AP1M1: variants seen among roughly 807,000 people sequenced by gnomAD.
The protein encoded by AP1M1 is adaptor related protein complex 1 subunit mu 1.
A neutral mutation model predicts 57.1 loss-of-function variants in AP1M1; 18 were observed. The observed-to-expected ratio is 0.32, with a 90% CI of 0.22 to 0.47. The LOEUF (loss-of-function observed/expected upper bound fraction) is 0.47. AP1M1 is among the 20% of genes least tolerant of loss of function. AP1M1 has a pLI of 1.00. For synonymous variants in AP1M1, 241 were observed against 237.9 expected, an observed-to-expected ratio of 1.01 and a Z score of -0.12; for missense variants, 362 against 593.5, an observed-to-expected ratio of 0.61 and a Z score of 4.05.
At chr19:16,226,699 G>C in intron 6 of AP1M1, 152 bp downstream of exon 6, 1 of 999,856 alleles carries the variant, frequency 1.0e-6, no homozygotes, top group East Asian at 2.7e-5. Flanking sequence ...CAGCTGTGTA[G>C]AGTATTCATC....
In AP1M1 at chr19:16,236,780, A is replaced by G. The variant is rs2091626470; in HGVS notation, c.*2345A>G. 1 of 152,192 alleles carries G rather than the reference A, an allele frequency of 6.6e-6. No individual in the cohort carries two copies. The highest frequency in any genetic ancestry group is 6.5e-5 in the Admixed American group (1 of 15,272). 9.4% of individuals were successfully genotyped at this position (152,192 alleles called of 1,614,324 possible). ...ACAGAAAACCTCCCTGGAGGGACCT[A>G]ACTTCATGCCTTGTTACCTAAGATC... On this transcript the variant is annotated 3_prime_UTR_variant, in exon 12 of 12. Transcript: ENST00000291439.
chr19:16,220,383 G>T (rs1004694468), intron 5 of AP1M1, among the ~76,000 whole-genome samples: 2 of 151,522 alleles, frequency 1.3e-5, no homozygotes, highest in Non-Finnish European at 2.9e-5. Context: ...GGCTTTTGGG[G>T]TTTTTTTGTT....
Position 16,207,379 on chromosome 19 carries a change from C to T in AP1M1, c.268-640C>T, listed in dbSNP as rs1415028482. Among the ~76,000 whole-genome samples the T allele has an allele frequency of 6.6e-6, 1 of 152,014 alleles. No homozygotes were observed. Among genetic ancestry groups the T allele is most frequent in the East Asian group, 1.9e-4 (1 of 5,174 alleles). On this transcript the variant is annotated intron_variant, in intron 3 of 11. Transcript: ENST00000291439. This position sits in a 1 kb window ranked among gnomAD's most constrained non-coding sequence, Gnocchi z 4.2. The stretch of plus-strand genomic sequence containing the variant: ...GATGCTGTCACAGGCAGGGCTGGGC[C>T]TGGCTGTGCTGCCTGTGGTTTCCAA...
chr19:16,221,375 G>A (rs770087401), intron 5 of AP1M1, among the ~76,000 whole-genome samples: 3 of 152,248 alleles, frequency 2.0e-5, no homozygotes, highest in Admixed American at 1.3e-4. Flanking sequence ...GAACAATGGC[G>A]AGAGCACACC....
chr19:16,234,458 C>T lies in AP1M1; in HGVS notation c.*23C>T, dbSNP rs753665081. ...TGAGGGGCTGTCGCAGCCAACACCC[C>T]GGCCTCGGGGCTCCTGGTGGCAGCA... On this transcript the variant is annotated 3_prime_UTR_variant, in exon 12 of 12. Coordinates refer to ENST00000291439, the MANE Select transcript of AP1M1 (RefSeq NM_032493.4). 22 of 1,613,304 alleles carry T rather than the reference C, an allele frequency of 1.4e-5. No homozygotes were observed. The highest frequency in any genetic ancestry group is 1.7e-4 in the Middle Eastern group (1 of 6,046).
rs2091643336 is a variant in AP1M1 at position 16,240,901 on chromosome 19, C to G, written c.*6466C>G. The G allele has an allele frequency of 1.3e-5, 2 of 152,210 alleles. No homozygotes were observed. Among genetic ancestry groups the G allele is most frequent in the Non-Finnish European group, 2.9e-5 (2 of 68,044 alleles). 9.4% of individuals were successfully genotyped at this position (152,210 alleles called of 1,614,324 possible). A position where few individuals can be genotyped will look rare whatever the true frequency, so the allele number is the denominator to read the frequency against. On this transcript the variant is annotated 3_prime_UTR_variant, in exon 12 of 12. Coordinates refer to ENST00000291439, the MANE Select transcript of AP1M1 (RefSeq NM_032493.4). Reference sequence around the variant, plus strand: ...CAGCAACACTAAGAGATTAAAATGTCTCTCCAAAGAGCAATTGGACAGAGA... The same window carrying G: ...CAGCAACACTAAGAGATTAAAATGTGTCTCCAAAGAGCAATTGGACAGAGA...
intron 6 of AP1M1, 165 bp downstream of exon 6, chr19:16,226,712 T>G: frequency 1.1e-6 from 1 of 916,524 alleles, no homozygotes; most frequent in Non-Finnish European, 1.6e-6. Flanking sequence ...TATTCATCCT[T>G]CCCTGGACAT....
intron 9 of AP1M1, among the ~76,000 whole-genome samples, chr19:16,233,278 T>C (rs888801291): frequency 3.3e-5 from 5 of 152,202 alleles, no homozygotes; most frequent in Non-Finnish European, 7.4e-5. Context: ...CGCCTGGGTA[T>C]CCTCATGGGG....
At chr19:16,202,846 A>G (rs2091454355) in intron 1 of AP1M1, 1 of 153,566 alleles carries the variant, frequency 6.5e-6, no homozygotes, top group African/African-American at 2.4e-5. Flanking sequence ...GGTAAATACC[A>G]GAGAGAGGAA....
At chr19:16,233,654 G>A (rs764685011) in intron 10 of AP1M1, 36 bp downstream of exon 10, 89 of 1,590,166 alleles carry the variant, frequency 5.6e-5, no homozygotes, top group Non-Finnish European at 7.3e-5. Context: ...CCCAGAACAG[G>A]GACAGAGGCC....
chr19:16,206,160 G>A lies in AP1M1; in HGVS notation c.200-181G>A, dbSNP rs1039078709. 3.3e-5 allele frequency among the ~76,000 whole-genome samples: 5 copies of A among 152,242 alleles called. No individual in the cohort carries two copies. The highest frequency in any genetic ancestry group is 7.2e-5 in the African/African-American group (3 of 41,522). Reference sequence around the variant, plus strand: ...GGAGCGCATCTGGCTGGTGACTCCTGTGTCCCAGGTCTAGCTTGGACCAGG... The same window carrying A: ...GGAGCGCATCTGGCTGGTGACTCCTATGTCCCAGGTCTAGCTTGGACCAGG... On this transcript the variant is annotated intron_variant, in intron 2 of 11. Coordinates refer to ENST00000291439, the MANE Select transcript of AP1M1 (RefSeq NM_032493.4). The surrounding 1 kb of genome is among the most constrained non-coding windows in gnomAD (Gnocchi z 4.3).
At chr19:16,234,067 C>A (rs541425175) in intron 10 of AP1M1, 132 bp from the exon 11 acceptor site, 31 of 837,550 alleles carry the variant, frequency 3.7e-5, no homozygotes, top group South Asian at 1.3e-4. Flanking sequence ...CCTTTCACCC[C>A]CCTGAGGCCT....
chr19:16,211,042 A>T, intron 5 of AP1M1, among the ~76,000 whole-genome samples: 1 of 150,976 alleles, frequency 6.6e-6, no homozygotes, highest in East Asian at 1.9e-4. Context: ...TCTGTCAGAT[A>T]GGTGATTTGC....
At chr19:16,201,460 ACAATCTCGG>A in intron 1 of AP1M1, among the ~76,000 whole-genome samples, 1 of 15,850 alleles carries the variant, frequency 6.3e-5, no homozygotes. Flanking sequence ...GTGCAATGGC[ACAATCTCGG>A]CTCACTGCAA....
At chr19:16,200,467 G>A (rs1272749112) in intron 1 of AP1M1, among the ~76,000 whole-genome samples, 2 of 152,098 alleles carry the variant, frequency 1.3e-5, no homozygotes, top group African/African-American at 4.8e-5. Flanking sequence ...AGCCCAGAGA[G>A]GCATGATCAG....
Position 16,237,265 on chromosome 19 carries a change from C to G in AP1M1, c.*2830C>G, listed in dbSNP as rs2091628775. The G allele has an allele frequency of 6.6e-6, 1 of 152,210 alleles. No individual in the cohort carries two copies. Among genetic ancestry groups the G allele is most frequent in the African/African-American group, 2.4e-5 (1 of 41,438 alleles). 9.4% of individuals were successfully genotyped at this position (152,210 alleles called of 1,614,324 possible). On this transcript the variant is annotated 3_prime_UTR_variant, in exon 12 of 12. Transcript: ENST00000291439. ...CATGGCCAGCATGGTGAAGCCCCAT[C>G]TATACTAAAAATACAAGAATTAGCC...
At chr19:16,212,778 G>T (rs1013945745) in intron 5 of AP1M1, among the ~76,000 whole-genome samples, 1 of 152,170 alleles carries the variant, frequency 6.6e-6, no homozygotes, top group African/African-American at 2.4e-5. Flanking sequence ...GTGTCCCAGA[G>T]ATTCTGGTCT....
intron 9 of AP1M1, among the ~76,000 whole-genome samples, chr19:16,231,307 A>AC (rs1288299621): frequency 3.7e-4 from 10 of 26,762 alleles, no homozygotes; most frequent in Admixed American, 2.1e-3. Flanking sequence ...AAAAAAAAAA[A>AC]AAACACAGAG....
chr19:16,208,742 T>C, intron 4 of AP1M1: 1 of 322,808 alleles, frequency 3.1e-6, no homozygotes, highest in Non-Finnish European at 5.8e-6. Flanking sequence ...CACACCCACT[T>C]CTTGTTTTCC....
Sources: allele counts gnomAD v4.1 joint callset (sites outside exome capture counted in the v4.1 genomes callset), GRCh38; gene constraint gnomAD v4.1.1; non-coding constraint Gnocchi (gnomAD v3.1); transcripts MANE v1.5; gene names NCBI Gene and HGNC (gene_info 2026-07-23, HGNC 2026-07-21).